Variants in CELA2B observed in about 807,000 individuals in gnomAD.
The protein encoded by CELA2B is chymotrypsin like elastase 2B.
A neutral mutation model predicts 36.5 loss-of-function variants in CELA2B; 27 were observed. The observed-to-expected ratio is 0.74, with a 90% CI of 0.55 to 1.02. CELA2B has a LOEUF of 1.02. Among genes scored for constraint, CELA2B ranks in the 50% least tolerant of loss-of-function variants. The pLI is 0.00. For synonymous variants in CELA2B, 143 were observed against 148.5 expected, an observed-to-expected ratio of 0.96 and a Z score of 0.27; for missense variants, 340 against 347.8, an observed-to-expected ratio of 0.98 and a Z score of 0.18.
intron 2 of CELA2B, among the ~76,000 whole-genome samples, chr1:15,478,217 T>TATATATATATATATATATATATATATATA (rs1491212485): frequency 2.1e-4 from 10 of 48,516 alleles, no homozygotes; most frequent in African/African-American, 7.6e-4. Context: ...TATATATATA[T>TATATATATATATATATATATATATATATA]TGGGATATAT....
chr1:15,491,107 A>G (rs1708884567), intron 7 of CELA2B, 188 bp from the exon 8 acceptor site: 1 of 664,672 alleles, frequency 1.5e-6, no homozygotes, highest in Admixed American at 2.5e-5. Flanking sequence ...TAACAGGTCA[A>G]TGAAAAGCTG....
intron 5 of CELA2B, among the ~76,000 whole-genome samples, chr1:15,485,285 T>C (rs1314500264): frequency 1.3e-5 from 2 of 152,062 alleles, no homozygotes; most frequent in East Asian, 3.9e-4. Flanking sequence ...GTAATGGAGG[T>C]GATGGTGGCT....
At chr1:15,480,223 C>G (rs1363556210) in intron 2 of CELA2B, among the ~76,000 whole-genome samples, 2 of 152,098 alleles carry the variant, frequency 1.3e-5, no homozygotes, top group Non-Finnish European at 1.5e-5. Flanking sequence ...GCTGACAGGA[C>G]ATCCCCTGTG....
intron 7 of CELA2B, 31 bp downstream of exon 7, chr1:15,487,468 G>A (rs1453366085): frequency 6.2e-7 from 1 of 1,612,124 alleles, no homozygotes; most frequent in Non-Finnish European, 8.5e-7. Flanking sequence ...GAGCCCCAAG[G>A]CACTGACCTG....
intron 1 of CELA2B, 63 bp from the exon 2 acceptor site, chr1:15,476,394 A>G: frequency 6.6e-7 from 1 of 1,525,792 alleles, no homozygotes; most frequent in Non-Finnish European, 9.1e-7. Flanking sequence ...AGAATGCAGC[A>G]TGTATAGTTT....
intron 2 of CELA2B, among the ~76,000 whole-genome samples, chr1:15,478,487 C>T (rs1237562076): frequency 6.6e-6 from 1 of 151,944 alleles, no homozygotes; most frequent in Non-Finnish European, 1.5e-5. Context: ...AGGTAATCCA[C>T]CTGCCTCGGC....
chr1:15,476,395 T>G (rs1708670436), intron 1 of CELA2B, 62 bp from the exon 2 acceptor site: 1 of 1,528,988 alleles, frequency 6.5e-7, no homozygotes, highest in Non-Finnish European at 9.1e-7. Flanking sequence ...GAATGCAGCA[T>G]GTATAGTTTA....
At chr1:15,483,704 G>C (rs527549271) in intron 5 of CELA2B, among the ~76,000 whole-genome samples, 2 of 152,314 alleles carry the variant, frequency 1.3e-5, no homozygotes, top group East Asian at 3.9e-4. Context: ...GAGACGAGCA[G>C]ATCACTTGAG....
intron 4 of CELA2B, 103 bp downstream of exon 4, chr1:15,482,496 TC>T: frequency 6.7e-7 from 1 of 1,502,554 alleles, no homozygotes; most frequent in Non-Finnish European, 9.1e-7. Flanking sequence ...CTCTGCTTTT[TC>T]TATAGGGAAG....
At chr1:15,476,330 AT>A in intron 1 of CELA2B, 126 bp from the exon 2 acceptor site, 1 of 1,391,516 alleles carries the variant, frequency 7.2e-7, no homozygotes, top group Non-Finnish European at 1.0e-6. Flanking sequence ...AAACAGAAGG[AT>A]TTTATGACCT....
chr1:15,487,422 C>A lies in CELA2B; in HGVS notation c.777C>A (p.Asn259Lys). Reference sequence around the variant, plus strand: ...TCTTCACGCGGGTCTCCAACTACAACGACTGGATCAATTCGGTAAGAACCG... The same window carrying A: ...TCTTCACGCGGGTCTCCAACTACAAAGACTGGATCAATTCGGTAAGAACCG... ...PSIFTRVSNY[N>K]DWINSVIANN The change falls in exon 7 of 8, where the codon AAC (asparagine) becomes AAA (lysine). Residue 259 changes from asparagine (N) to lysine (K), a missense_variant. Coordinates refer to ENST00000375910, the MANE Select transcript of CELA2B (RefSeq NM_015849.3). The A allele has an allele frequency of 6.2e-7, 1 of 1,614,256 alleles. No individual in the cohort carries two copies. The highest frequency in any genetic ancestry group is 1.1e-5 in the South Asian group (1 of 91,092).
rs1272181458 is a variant in CELA2B at position 15,481,988 on chromosome 1, C to T, written c.228-277C>T. 3.4e-5 allele frequency among the ~76,000 whole-genome samples: 5 copies of T among 149,052 alleles called. No individual in the cohort carries two copies. The Admixed American group carries it at 3.4e-4, about 10-fold the overall frequency. ...AAATGACTCCTGTTTTCTCTGTGTT[C>T]ATCTCATTCCTCCATAATACTATAG... On this transcript the variant is annotated intron_variant, in intron 3 of 7. Coordinates refer to ENST00000375910, the MANE Select transcript of CELA2B (RefSeq NM_015849.3).
rs1023075628 is a variant in CELA2B at position 15,478,228 on chromosome 1, AGTTT to A, written c.129+1700_129+1703del. ...TATATATATATATATTGGGATATAT[AGTTT>A]GTTTGTTTGTTTGTTTTTGTTTTTT... On this transcript the variant is annotated intron_variant, in intron 2 of 7. Transcript: ENST00000375910. Among the ~76,000 whole-genome samples the A allele has an allele frequency of 3.5e-4, 53 of 150,316 alleles. 1 individual carries two copies. Among genetic ancestry groups the A allele is most frequent in the South Asian group, 2.1e-4 (1 of 4,770 alleles).
chr1:15,487,758 T>A (rs1183383994), intron 7 of CELA2B, among the ~76,000 whole-genome samples: 1 of 152,198 alleles, frequency 6.6e-6, no homozygotes, highest in East Asian at 1.9e-4. Flanking sequence ...GACTCTACCA[T>A]CCAGTGCTAT....
intron 7 of CELA2B, among the ~76,000 whole-genome samples, chr1:15,490,306 ATC>A (rs1342943082): frequency 1.3e-5 from 2 of 152,146 alleles, no homozygotes; most frequent in Admixed American, 6.5e-5. Context: ...AAAAACTAGG[ATC>A]TGAGTCTTCA....
rs575542421 is a variant in CELA2B at position 15,482,159 on chromosome 1, G to C, written c.228-106G>C. On this transcript the variant is annotated intron_variant, in intron 3 of 7. Transcript: ENST00000375910. ...CCCAGGGGAGGAAAGATCCCCAAGT[G>C]CCAACTAGTGGCTCATGAAGCAGCC... 5.7e-6 allele frequency: 8 copies of C among 1,408,164 alleles called. No homozygotes were observed. In the East Asian group the frequency reaches 1.2e-4, roughly 20 times the overall value. 87.2% of individuals were successfully genotyped at this position (1,408,164 alleles called of 1,614,324 possible). A position where few individuals can be genotyped will look rare whatever the true frequency, so the allele number is the denominator to read the frequency against.
chr1:15,476,958 A>G (rs1004588896), intron 2 of CELA2B, among the ~76,000 whole-genome samples: 1 of 152,126 alleles, frequency 6.6e-6, no homozygotes, highest in African/African-American at 2.4e-5. Flanking sequence ...CTCCGGCCTG[A>G]ATAACAAAGA....
rs1367276260 is a variant in CELA2B, at chr1:15,486,111, T to C, written c.639+65T>C. 18 of 1,578,732 alleles carry C rather than the reference T, an allele frequency of 1.1e-5. No individual in the cohort carries two copies. In the Middle Eastern group the frequency reaches 1.2e-3, roughly 104 times the overall value. On this transcript the variant is annotated intron_variant, in intron 6 of 7. Coordinates refer to ENST00000375910, the MANE Select transcript of CELA2B (RefSeq NM_015849.3). ...TGTGGCTGGGGATGGGAAGAGGCTA[T>C]GGAAAACCATCCCTCCATAGGTCCA...
chr1:15,487,271 C>G lies in CELA2B; in HGVS notation c.640-14C>G. 2.5e-6 allele frequency: 4 copies of G among 1,613,494 alleles called. No homozygotes were observed. Among genetic ancestry groups the G allele is most frequent in the Non-Finnish European group, 3.4e-6 (4 of 1,179,444 alleles). On this transcript the variant is annotated splice_polypyrimidine_tract_variant and intron_variant, in intron 6 of 7. Coordinates refer to ENST00000375910, the MANE Select transcript of CELA2B (RefSeq NM_015849.3). ...CCTCCCACTTCAACTCCCTATAACT[C>G]TGGCCTTCCTCAGGGAGACTCCGGT...
Sources: gnomAD v4.1 joint callset for allele counts (sites outside exome capture counted in the v4.1 genomes callset) on GRCh38, gnomAD v4.1.1 for gene constraint, MANE v1.5 for transcripts, NCBI Gene and HGNC (gene_info 2026-07-23, HGNC 2026-07-21) for gene names.